The following NINL variants were observed in gnomAD, a reference collection of about 807,000 sequenced individuals.
NINL encodes the protein ninein-like protein.
NINL carries 153 observed loss-of-function variants against 160.3 expected under a neutral mutation model. The ratio of observed to expected loss-of-function variants is 0.95; its 90% CI spans 0.84 to 1.09. The LOEUF (loss-of-function observed/expected upper bound fraction) is 1.09, where lower values mean the gene tolerates loss of function less well. NINL is among the 50% of genes least tolerant of loss of function. The pLI is 0.00. For missense variants in NINL, 1,829 were observed against 1,764.0 expected (o/e 1.04, Z -0.66); for synonymous variants, 800 against 734.8 (o/e 1.09, Z -1.43).
At chr20:25,538,073 G>A (rs535041125) in intron 1 of NINL, among the ~76,000 whole-genome samples, 6 of 152,298 alleles carry the variant, frequency 3.9e-5, no homozygotes, top group African/African-American at 1.2e-4. Flanking sequence ...ACACCAGGGC[G>A]TGAGATGCTG....
rs758364682 is a variant in NINL at position 25,470,036 on chromosome 20, AC to A, written c.3307del (p.Val1103PhefsTer22). On this transcript the variant is annotated frameshift_variant, in exon 18 of 24. Transcript: ENST00000278886. LOFTEE classifies it high-confidence loss of function. The stretch of plus-strand genomic sequence containing the variant: ...TTCTGCAGCTTCAAGCTCTTGCCGA[AC>A]CCTTCCCAGATCGTTTTTCAACAAA... ...NTLLKNDLGRVRQELEAAEST... is the reference protein window; with the variant it reads ...NTLLKNDLGRXRQELEAAEST... 35 of 1,614,066 alleles carry A rather than the reference AC, an allele frequency of 2.2e-5. No individual in the cohort carries two copies. The highest frequency in any genetic ancestry group is 1.3e-4 in the Admixed American group (8 of 60,006).
chr20:25,494,213 C>A (rs1463986179), intron 10 of NINL, among the ~76,000 whole-genome samples: 4 of 150,308 alleles, frequency 2.7e-5, no homozygotes, highest in Non-Finnish European at 5.9e-5. Context: ...TCAGCACCCC[C>A]AATGCACCCC....
chr20:25,512,390 C>T (rs1005061522), intron 4 of NINL, among the ~76,000 whole-genome samples: 7 of 152,166 alleles, frequency 4.6e-5, no homozygotes, highest in Admixed American at 1.3e-4. Context: ...GTGGTAGTAT[C>T]GGGAAAGAGA....
At chr20:25,487,445 G>A (rs1042098252) in intron 13 of NINL, among the ~76,000 whole-genome samples, 5 of 152,086 alleles carry the variant, frequency 3.3e-5, no homozygotes, top group Non-Finnish European at 5.9e-5. Context: ...GCCTATACAG[G>A]GTTCTGTTAG....
At chr20:25,584,236 C>T (rs1600384004) in intron 1 of NINL, among the ~76,000 whole-genome samples, 1 of 152,150 alleles carries the variant, frequency 6.6e-6, no homozygotes, top group African/African-American at 2.4e-5. Context: ...TTTGGGAGGC[C>T]GAGGCAGCTG....
chr20:25,484,054 T>C (rs2063455672), intron 13 of NINL, among the ~76,000 whole-genome samples: 1 of 152,052 alleles, frequency 6.6e-6, no homozygotes, highest in Admixed American at 6.6e-5. Flanking sequence ...AAAGTAGCCC[T>C]GCAGAGGCCA....
At chr20:25,549,307 T>C (rs947545428) in intron 1 of NINL, among the ~76,000 whole-genome samples, 1 of 150,476 alleles carries the variant, frequency 6.6e-6, no homozygotes, top group Admixed American at 6.6e-5. Flanking sequence ...CACCCAGGGC[T>C]GACCCCAGCA....
Position 25,555,453 on chromosome 20 carries a change from T to G in NINL, c.-11-28855A>C, listed in dbSNP as rs545967234. Among the ~76,000 whole-genome samples, 4 of 152,372 alleles carry G rather than the reference T, an allele frequency of 2.6e-5. No individual in the cohort carries two copies. The East Asian group carries it at 5.8e-4, about 22-fold the overall frequency. ...AATGAGAATTTTAACACATTTACTCTACGTAAAATTTGTACTGAAAAATAA... is the reference window on the plus strand; with the variant it reads ...AATGAGAATTTTAACACATTTACTCGACGTAAAATTTGTACTGAAAAATAA... On this transcript the variant is annotated intron_variant, in intron 1 of 23. Transcript: ENST00000278886.
chr20:25,559,202 G>A (rs567213975), intron 1 of NINL, among the ~76,000 whole-genome samples: 1 of 152,182 alleles, frequency 6.6e-6, no homozygotes, highest in Non-Finnish European at 1.5e-5. Flanking sequence ...TCATTGGCTT[G>A]GGATAAGGCA....
intron 1 of NINL, among the ~76,000 whole-genome samples, chr20:25,539,518 A>G (rs2064625008): frequency 6.6e-6 from 1 of 152,162 alleles, no homozygotes; most frequent in African/African-American, 2.4e-5. Flanking sequence ...CCATACGGAG[A>G]CTGCTGCTTA....
At chr20:25,578,320 C>T (rs990174346) in intron 1 of NINL, among the ~76,000 whole-genome samples, 5 of 151,854 alleles carry the variant, frequency 3.3e-5, no homozygotes, top group Admixed American at 6.6e-5. Context: ...GTTGGTCAGG[C>T]TGGTCTCAAA....
intron 1 of NINL, among the ~76,000 whole-genome samples, chr20:25,530,820 G>A (rs908008906): frequency 1.3e-5 from 2 of 152,166 alleles, no homozygotes; most frequent in Non-Finnish European, 2.9e-5. Flanking sequence ...TGGAGGCAGG[G>A]CAAGATCACA....
At position 25,453,379 on chromosome 20, in the gene NINL, G is replaced by A; in HGVS notation, c.*72C>T. The A allele has an allele frequency of 1.5e-6, 2 of 1,374,120 alleles. No individual in the cohort carries two copies. Among genetic ancestry groups the A allele is most frequent in the Non-Finnish European group, 2.0e-6 (2 of 998,122 alleles). The allele number at this position is 1,374,120 out of a possible 1,614,324, so 85.1% of individuals were successfully genotyped here. On this transcript the variant is annotated 3_prime_UTR_variant, in exon 24 of 24. Coordinates refer to ENST00000278886, the MANE Select transcript of NINL (RefSeq NM_025176.6). The stretch of plus-strand genomic sequence containing the variant: ...CCAGGACTCATGGCTCATGACCCAC[G>A]GAATCTAAGGCAGCACAGTGGCTTA...
At position 25,535,638 on chromosome 20, in the gene NINL, A is replaced by G. The variant is rs117636012; in HGVS notation, c.-11-9040T>C. 1.8e-3 allele frequency among the ~76,000 whole-genome samples: 268 copies of G among 152,308 alleles called. 1 individual carries two copies. The highest frequency in any genetic ancestry group is 3.7e-3 in the Admixed American group (56 of 15,302). On this transcript the variant is annotated intron_variant, in intron 1 of 23. Coordinates refer to ENST00000278886, the MANE Select transcript of NINL (RefSeq NM_025176.6). The stretch of plus-strand genomic sequence containing the variant: ...AGAACTGTACACTTAACAATGGTTA[A>G]GAGGGTAAATTTCATGTTGTGTTTT...
chr20:25,464,560 C>A (rs910473169), intron 19 of NINL, among the ~76,000 whole-genome samples: 3 of 152,188 alleles, frequency 2.0e-5, no homozygotes, highest in Non-Finnish European at 4.4e-5. Flanking sequence ...CAACACTCCC[C>A]CAATCTGCTT....
At chr20:25,460,976 C>T (rs1268617111) in intron 21 of NINL, among the ~76,000 whole-genome samples, 4 of 152,214 alleles carry the variant, frequency 2.6e-5, no homozygotes, top group Admixed American at 2.6e-4. Flanking sequence ...ACAAGCATCC[C>T]CTGAGCCGGC....
At chr20:25,525,891 G>A (rs555658532) in intron 2 of NINL, among the ~76,000 whole-genome samples, 8 of 152,194 alleles carry the variant, frequency 5.3e-5, no homozygotes, top group South Asian at 2.1e-4. Context: ...CTAATTTCAC[G>A]TTTTCTATCT....
intron 10 of NINL, among the ~76,000 whole-genome samples, chr20:25,492,974 T>C (rs2063672722): frequency 6.6e-6 from 1 of 152,178 alleles, no homozygotes; most frequent in African/African-American, 2.4e-5. Context: ...ATAACTCCCA[T>C]TGCTCATGGG....
chr20:25,565,795 G>T (rs898119802), intron 1 of NINL, among the ~76,000 whole-genome samples: 1 of 152,152 alleles, frequency 6.6e-6, no homozygotes, highest in Non-Finnish European at 1.5e-5. Flanking sequence ...CATCTAATCT[G>T]CTGGGGGCCT....
Sources: allele counts gnomAD v4.1 joint callset (sites outside exome capture counted in the v4.1 genomes callset), GRCh38; gene constraint gnomAD v4.1.1; transcripts MANE v1.5; gene names NCBI Gene and HGNC (gene_info 2026-07-23, HGNC 2026-07-21).